Variants in ADGRG1 observed in about 807,000 individuals in gnomAD.
ADGRG1 encodes the protein 7-transmembrane protein with no EGF-like N-terminal domains-1.
A neutral mutation model predicts 73.5 loss-of-function variants in ADGRG1; 53 were observed. The ratio of observed to expected loss-of-function variants is 0.72; its 90% CI spans 0.58 to 0.91. The LOEUF (loss-of-function observed/expected upper bound fraction) is 0.91, where lower values mean the gene tolerates loss of function less well. Among genes scored for constraint, ADGRG1 ranks in the 40% least tolerant of loss-of-function variants. The pLI, the probability that ADGRG1 is intolerant of heterozygous loss-of-function variation, is 0.00. For missense variants in ADGRG1, 795 were observed against 871.8 expected (o/e 0.91, Z 1.11); for synonymous variants, 394 against 374.4 (o/e 1.05, Z -0.60).
intron 1 of ADGRG1, among the ~76,000 whole-genome samples, chr16:57,638,936 G>T (rs2040040835): frequency 6.6e-6 from 1 of 152,114 alleles, no homozygotes; most frequent in South Asian, 2.1e-4. Flanking sequence ...CGGGCATGGT[G>T]GTGGGCACCT....
rs79842689 is a variant in ADGRG1, at chr16:57,639,071, GA to G, written c.-36+10283del. Among the ~76,000 whole-genome samples, 1,291 of 131,406 alleles carry G rather than the reference GA, an allele frequency of 9.8e-3. 9 individuals are homozygous for G. The highest frequency in any genetic ancestry group is 0.015 in the Non-Finnish European group (902 of 60,490). The allele number at this position is 131,406 out of a possible 152,430, so 86.2% of individuals were successfully genotyped here. On this transcript the variant is annotated intron_variant, in intron 1 of 13. Coordinates refer to ENST00000562631, the MANE Select transcript of ADGRG1 (RefSeq NM_201525.4). ...GGCGAAAGAGCGAAACTCTGTTTGAGAAAAAAAAAAAAAAGATTTGGTTTTA... is the reference window on the plus strand; with the variant it reads ...GGCGAAAGAGCGAAACTCTGTTTGAGAAAAAAAAAAAAAGATTTGGTTTTA...
At chr16:57,637,701 T>A in intron 1 of ADGRG1, 1 of 985,298 alleles carries the variant, frequency 1.0e-6, no homozygotes, top group Non-Finnish European at 1.2e-6. Context: ...AGCAGCCTCC[T>A]GACTGAAGCT....
Position 57,651,476 on chromosome 16 carries a change from A to T in ADGRG1, c.341A>T (p.Asp114Val). 6.2e-7 allele frequency: 1 copy of T among 1,614,220 alleles called. No homozygotes were observed. Among genetic ancestry groups the T allele is most frequent in the Non-Finnish European group, 8.5e-7 (1 of 1,180,026 alleles). ...GGCAAGCGTGACTTCTTGCTGAGTG[A>T]CAAAGCCTCTAGCCTCCTCTGCTTC... is the stretch of plus-strand genomic sequence containing the variant. ...LYGKRDFLLS[D>V]KASSLLCFQH... Residue 114 changes from aspartate to valine, a missense_variant, in exon 3 of 14, where the codon GAC becomes GTC. Asp to Val is a radical substitution (Grantham distance 152). Coordinates refer to ENST00000562631, the MANE Select transcript of ADGRG1 (RefSeq NM_201525.4).
chr16:57,622,663 G>GCAGGGGTATGGC (rs2035083257), intron 2 of ADGRG1: 1 of 539,036 alleles, frequency 1.9e-6, no homozygotes, highest in Non-Finnish European at 2.4e-6. Context: ...AAGGCTGGGG[G>GCAGGGGTATGGC]CAGGGGTATG....
At chr16:57,660,497 G>A in intron 11 of ADGRG1, 1 of 756,714 alleles carries the variant, frequency 1.3e-6, no homozygotes, top group Non-Finnish European at 1.6e-6. Context: ...CCCTGCAGCA[G>A]AGACCCACAG....
At chr16:57,659,939 G>C (rs747387576) in intron 11 of ADGRG1, among the ~76,000 whole-genome samples, 2 of 152,192 alleles carry the variant, frequency 1.3e-5, no homozygotes, top group Admixed American at 1.3e-4. Context: ...CAGGGCCACC[G>C]TGTGTGAATG....
intron 1 of ADGRG1, chr16:57,642,275 A>G: frequency 1.0e-6 from 1 of 985,328 alleles, no homozygotes; most frequent in Non-Finnish European, 1.2e-6. Flanking sequence ...GGGAGGTGGG[A>G]TAGGCCTGAA....
intron 5 of ADGRG1, 141 bp from the exon 6 acceptor site, chr16:57,655,258 G>A: frequency 6.4e-7 from 1 of 1,561,604 alleles, no homozygotes; most frequent in Non-Finnish European, 8.6e-7. Context: ...GGGCTGTCAT[G>A]AGTCAGGCTT....
In ADGRG1 at chr16:57,653,221, C is replaced by T. The variant is rs2044582359; in HGVS notation, c.506C>T (p.Ala169Val). Reference protein sequence around the residue: ...FSFHSPPHTAAHNASVDMCEL... With the variant: ...FSFHSPPHTAVHNASVDMCEL... Reference sequence around the variant, plus strand: ...CCCCCAGGTCCTCCCCACACGGCCGCTCACAATGCCTCGGTGGACATGTGC... The same window carrying T: ...CCCCCAGGTCCTCCCCACACGGCCGTTCACAATGCCTCGGTGGACATGTGC... Residue 169 changes from alanine (A) to valine (V), a missense_variant, in exon 4 of 14, where the codon GCT (alanine) becomes GTT (valine). Ala to Val is a moderately conservative substitution (Grantham distance 64). Transcript: ENST00000562631. The T allele has an allele frequency of 6.2e-7, 1 of 1,610,904 alleles. No individual in the cohort carries two copies.
intron 3 of ADGRG1, chr16:57,652,849 T>G: frequency 1.8e-6 from 2 of 1,126,120 alleles, no homozygotes; most frequent in Non-Finnish European, 2.2e-6. Flanking sequence ...GGGTGTGGAG[T>G]CCCAGGAACC....
Position 57,663,560 on chromosome 16 carries a change from G to A in ADGRG1, c.2042G>A (p.Ser681Asn). 2 of 1,613,642 alleles carry A rather than the reference G, an allele frequency of 1.2e-6. No homozygotes were observed. The highest frequency in any genetic ancestry group is 1.7e-6 in the Non-Finnish European group (2 of 1,180,000). Residue 681 changes from serine to asparagine, a missense_variant, in exon 14 of 14, where the codon AGC (serine) becomes AAC (asparagine). By Grantham distance (46) the Ser-to-Asn change is conservative. Transcript: ENST00000562631. ...DSARLPISSG[S>N]TSSSRI ...GCCAGGCTCCCCATCAGCTCGGGCAGCACCTCGTCCAGCCGCATCTAGGCC... is the reference window on the plus strand; with the variant it reads ...GCCAGGCTCCCCATCAGCTCGGGCAACACCTCGTCCAGCCGCATCTAGGCC...
chr16:57,655,610 G>T, intron 6 of ADGRG1, 80 bp downstream of exon 6: 3 of 1,604,624 alleles, frequency 1.9e-6, no homozygotes, highest in East Asian at 2.2e-5. Flanking sequence ...ACGCAGATGA[G>T]CTCCTTCCTC....
intron 2 of ADGRG1, chr16:57,621,913 AG>A: frequency 1.0e-6 from 1 of 973,394 alleles, no homozygotes; most frequent in Non-Finnish European, 1.2e-6. Flanking sequence ...GTTTCTACAG[AG>A]GAGTCAGAGG....
chr16:57,636,781 G>A (rs1209871054), intron 1 of ADGRG1: 1 of 826,998 alleles, frequency 1.2e-6, no homozygotes, highest in East Asian at 1.2e-4. Context: ...GCTAGGTACT[G>A]GAGATGCAGG....
chr16:57,650,576 C>T (rs1359053419), intron 2 of ADGRG1: 1 of 216,394 alleles, frequency 4.6e-6, no homozygotes, highest in Non-Finnish European at 7.9e-6. Flanking sequence ...CCCCACTCAC[C>T]TCTGCAGCCA....
chr16:57,656,587 CA>C lies in ADGRG1; in HGVS notation c.1139del (p.Asn380ThrfsTer3). On this transcript the variant is annotated frameshift_variant, in exon 9 of 14. Transcript: ENST00000562631. LOFTEE classifies it high-confidence loss of function. ...GAGAAACCCAAACATCCTGCTTCTGCAACCACTTGACCTACTTTGCAGTGCT... is the reference window on the plus strand; with the variant it reads ...GAGAAACCCAAACATCCTGCTTCTGCACCACTTGACCTACTTTGCAGTGCT... The part of the protein sequence containing the change: ...RRETQTSCFC[N>X]HLTYFAVLMV... The C allele has an allele frequency of 6.2e-7, 1 of 1,612,936 alleles. No homozygotes were observed. Among genetic ancestry groups the C allele is most frequent in the Non-Finnish European group, 8.5e-7 (1 of 1,178,888 alleles).
intron 13 of ADGRG1, among the ~76,000 whole-genome samples, chr16:57,662,420 C>T (rs1217982611): frequency 1.3e-5 from 2 of 152,114 alleles, no homozygotes; most frequent in Non-Finnish European, 2.9e-5. Context: ...GATGGGGGGG[C>T]CTCCCTACTC....
In ADGRG1 at chr16:57,651,593, G is replaced by A. The variant is rs781397735; in HGVS notation, c.458G>A (p.Ser153Asn). 3.7e-6 allele frequency: 6 copies of A among 1,613,954 alleles called. No individual in the cohort carries two copies. Among genetic ancestry groups the A allele is most frequent in the African/African-American group, 1.3e-5 (1 of 75,056 alleles). ...AGCCCTCAGAACATCAGCCTGCCCAGTGCCGCCAGCTTCACCTTCTCCTTC... is the reference window on the plus strand; with the variant it reads ...AGCCCTCAGAACATCAGCCTGCCCAATGCCGCCAGCTTCACCTTCTCCTTC... ...WWSPQNISLP[S>N]AASFTFSFHS... Residue 153 changes from serine to asparagine, a missense_variant, in exon 3 of 14, where the codon AGT becomes AAT. Physicochemically the swap from Ser to Asn is conservative, Grantham distance 46. Coordinates refer to ENST00000562631, the MANE Select transcript of ADGRG1 (RefSeq NM_201525.4).
intron 1 of ADGRG1, among the ~76,000 whole-genome samples, chr16:57,644,523 C>T (rs563217953): frequency 1.4e-5 from 2 of 145,696 alleles, no homozygotes; most frequent in East Asian, 2.2e-4. Context: ...CACACACACT[C>T]ATCACACACA....
Sources: allele counts gnomAD v4.1 joint callset (sites outside exome capture counted in the v4.1 genomes callset), GRCh38; gene constraint gnomAD v4.1.1; transcripts MANE v1.5; gene names NCBI Gene and HGNC (gene_info 2026-07-23, HGNC 2026-07-21).